The following CSMD1 variants were observed in gnomAD, a reference collection of about 807,000 sequenced individuals.
CSMD1 encodes the protein CUB and Sushi multiple domains 1.
Under a neutral mutation model 417.5 loss-of-function variants are expected in CSMD1, and 213 were observed. The observed-to-expected ratio is 0.51, with a 90% CI of 0.46 to 0.57. The LOEUF is 0.57. CSMD1 is among the 20% of genes least tolerant of loss of function. The pLI is 0.00. For synonymous variants in CSMD1, 2,862 were observed against 1,736.8 expected, an observed-to-expected ratio of 1.65 and a Z score of -16.11; for missense variants, 6,923 against 4,529.7, an observed-to-expected ratio of 1.53 and a Z score of -15.17.
intron 41 of CSMD1, among the ~76,000 whole-genome samples, chr8:3,140,130 C>T (rs559386671): frequency 1.3e-5 from 2 of 152,250 alleles, no homozygotes; most frequent in Non-Finnish European, 2.9e-5. Flanking sequence ...TCTCAAACTC[C>T]TGACCTCAGG....
chr8:4,004,153 T>C (rs1815920126), intron 4 of CSMD1, among the ~76,000 whole-genome samples: 2 of 152,072 alleles, frequency 1.3e-5, no homozygotes, highest in South Asian at 2.1e-4. Context: ...GACTAAGAAA[T>C]ATAAACATTT....
chr8:3,638,591 G>A (rs139850287), intron 7 of CSMD1, among the ~76,000 whole-genome samples: 46 of 152,268 alleles, frequency 3.0e-4, no homozygotes, highest in African/African-American at 1.0e-3. Flanking sequence ...TCTGGAAAGG[G>A]TCAGAATGTG....
intron 3 of CSMD1, among the ~76,000 whole-genome samples, chr8:4,301,078 G>T (rs946964422): frequency 6.6e-6 from 1 of 152,142 alleles, no homozygotes; most frequent in Non-Finnish European, 1.5e-5. Flanking sequence ...CTGTAAAGTG[G>T]ATGCCTAATG....
chr8:4,436,055 C>G (rs1442193680), intron 2 of CSMD1, among the ~76,000 whole-genome samples: 4 of 152,164 alleles, frequency 2.6e-5, no homozygotes, highest in East Asian at 3.9e-4. Flanking sequence ...AGATCATTCA[C>G]AGATCTTATA....
At chr8:4,396,659 C>A (rs913742116) in intron 3 of CSMD1, among the ~76,000 whole-genome samples, 1 of 151,848 alleles carries the variant, frequency 6.6e-6, no homozygotes, top group African/African-American at 2.4e-5. Flanking sequence ...CTATATATCT[C>A]CCCATACACA....
At chr8:3,524,807 C>A (rs1225619513) in intron 10 of CSMD1, among the ~76,000 whole-genome samples, 3 of 151,508 alleles carry the variant, frequency 2.0e-5, no homozygotes, top group Non-Finnish European at 4.4e-5. Context: ...GAAGTACACA[C>A]ATGCACAGAC....
intron 10 of CSMD1, among the ~76,000 whole-genome samples, chr8:3,533,234 T>G: frequency 6.6e-6 from 1 of 152,220 alleles, no homozygotes; most frequent in Admixed American, 6.5e-5. Flanking sequence ...ATTTCATTAT[T>G]TTTATTGATA....
chr8:4,829,821 C>G (rs989682217), intron 1 of CSMD1, among the ~76,000 whole-genome samples: 3 of 151,624 alleles, frequency 2.0e-5, no homozygotes, highest in Non-Finnish European at 4.4e-5. Context: ...CAGCAAGAAG[C>G]AGTCAGTGAT....
intron 1 of CSMD1, among the ~76,000 whole-genome samples, chr8:4,690,024 G>T (rs887866059): frequency 2.0e-5 from 3 of 152,154 alleles, no homozygotes; most frequent in African/African-American, 7.2e-5. Flanking sequence ...AAAGCAATGG[G>T]TTTAGAGAAG....
At chr8:3,591,991 A>T (rs1584932577) in intron 8 of CSMD1, among the ~76,000 whole-genome samples, 1 of 152,122 alleles carries the variant, frequency 6.6e-6, no homozygotes. Flanking sequence ...TGATAGATAA[A>T]AGACGGATGG....
intron 3 of CSMD1, among the ~76,000 whole-genome samples, chr8:4,118,377 T>G (rs1020530850): frequency 2.0e-5 from 3 of 149,636 alleles, no homozygotes; most frequent in African/African-American, 7.4e-5. Flanking sequence ...ACATCCAGAA[T>G]CTACAAAGAA....
At chr8:3,847,258 C>T (rs960073458) in intron 5 of CSMD1, among the ~76,000 whole-genome samples, 49 of 152,054 alleles carry the variant, frequency 3.2e-4, no homozygotes, top group African/African-American at 1.2e-3. Context: ...TAGAAAGGTC[C>T]CTAATCAGTT....
intron 1 of CSMD1, among the ~76,000 whole-genome samples, chr8:4,888,652 A>C (rs1320817028): frequency 6.6e-6 from 1 of 152,130 alleles, no homozygotes; most frequent in Middle Eastern, 3.2e-3. Context: ...TTCACCATAA[A>C]TATCATTTGC....
chr8:4,288,644 G>A (rs1194301094), intron 3 of CSMD1, among the ~76,000 whole-genome samples: 1 of 152,152 alleles, frequency 6.6e-6, no homozygotes, highest in African/African-American at 2.4e-5. Context: ...CACCAACTCT[G>A]CCGCCCTCCC....
chr8:4,177,326 G>A (rs1054576815), intron 3 of CSMD1, among the ~76,000 whole-genome samples: 1 of 152,056 alleles, frequency 6.6e-6, no homozygotes, highest in Non-Finnish European at 1.5e-5. Flanking sequence ...GCTCCTGAAT[G>A]AATACTGGGT....
chr8:4,323,584 G>C (rs774475298), intron 3 of CSMD1, among the ~76,000 whole-genome samples: 4 of 152,232 alleles, frequency 2.6e-5, no homozygotes, highest in Non-Finnish European at 5.9e-5. Context: ...CAAGGTGTTT[G>C]AGTGGCTGAT....
intron 5 of CSMD1, among the ~76,000 whole-genome samples, chr8:3,910,362 C>T (rs935387701): frequency 1.3e-5 from 2 of 152,136 alleles, no homozygotes; most frequent in African/African-American, 2.4e-5. Context: ...TGCACCGAGG[C>T]CACAGAATGC....
intron 2 of CSMD1, among the ~76,000 whole-genome samples, chr8:4,440,401 C>T (rs889077716): frequency 2.0e-5 from 3 of 152,152 alleles, no homozygotes; most frequent in East Asian, 1.9e-4. Flanking sequence ...ATTGCTCTCA[C>T]TCACACCTAT....
chr8:3,360,076 C>T (rs1503282), intron 20 of CSMD1, among the ~76,000 whole-genome samples: 7 of 151,962 alleles, frequency 4.6e-5, no homozygotes, highest in Admixed American at 2.6e-4. Flanking sequence ...GGCTATGTTT[C>T]TGGAAATCTT....
Sources: allele counts gnomAD v4.1 joint callset (sites outside exome capture counted in the v4.1 genomes callset), GRCh38; gene constraint gnomAD v4.1.1; transcripts MANE v1.5; gene names NCBI Gene and HGNC (gene_info 2026-07-23, HGNC 2026-07-21).